Variants in ME1 observed in about 807,000 individuals in gnomAD.
ME1 encodes the protein malic enzyme 1.
ME1 carries 74 observed loss-of-function variants against 66.4 expected under a neutral mutation model. The ratio of observed to expected loss-of-function variants is 1.11; its 90% CI spans 0.92 to 1.35. ME1 has a LOEUF of 1.35. ME1 is among the 40% of genes most tolerant of loss of function. ME1 has a pLI of 0.00. For missense variants in ME1, 750 were observed against 694.1 expected (o/e 1.08, Z -0.90); for synonymous variants, 251 against 235.6 (o/e 1.07, Z -0.60).
chr6:83,346,620 G>A (rs1174429475), intron 4 of ME1, among the ~76,000 whole-genome samples: 1 of 152,156 alleles, frequency 6.6e-6, no homozygotes, highest in Non-Finnish European at 1.5e-5. Context: ...GAGCAAGTGG[G>A]TAAAGTATAG....
intron 1 of ME1, 133 bp downstream of exon 1, chr6:83,430,744 G>C (rs1017717548): frequency 1.4e-6 from 1 of 716,014 alleles, no homozygotes; most frequent in Admixed American, 3.0e-5. Context: ...AGGCCCCCCA[G>C]GCCGCGGCCG....
intron 7 of ME1, among the ~76,000 whole-genome samples, chr6:83,247,286 T>C (rs902281180): frequency 4.6e-5 from 7 of 152,100 alleles, no homozygotes; most frequent in Admixed American, 3.3e-4. Flanking sequence ...CAGTCTGAAT[T>C]TGCTGAATTC....
intron 3 of ME1, among the ~76,000 whole-genome samples, chr6:83,354,867 G>C (rs1055767500): frequency 1.3e-5 from 2 of 152,080 alleles, no homozygotes; most frequent in Admixed American, 6.6e-5. Context: ...GAAAAATAAG[G>C]CTTTTATAAT....
At position 83,253,724 on chromosome 6, in the gene ME1, C is replaced by T. The variant is rs1362974975; in HGVS notation, c.719G>A (p.Cys240Tyr). 5.7e-6 allele frequency: 9 copies of T among 1,585,832 alleles called. No individual in the cohort carries two copies. Among genetic ancestry groups the T allele is most frequent in the Admixed American group, 1.7e-5 (1 of 59,876 alleles). Residue 240 changes from cysteine (C) to tyrosine (Y), a missense_variant, in exon 7 of 14, where the codon TGC becomes TAC. Cys to Tyr is a radical substitution (Grantham distance 194). Transcript: ENST00000369705. ...EAVSSKYGMN[C>Y]LIQFEDFANV... ...GGCAAAATCTTCAAACTGAATAAGG[C>T]AATTCATGCCATACCTATGGGACAA...
chr6:83,407,236 G>A (rs2066160161), intron 2 of ME1, among the ~76,000 whole-genome samples: 2 of 152,202 alleles, frequency 1.3e-5, no homozygotes, highest in South Asian at 4.1e-4. Context: ...CGCCATGGCA[G>A]GGCCTGTAGT....
At chr6:83,252,425 G>A (rs1244252312) in intron 7 of ME1, among the ~76,000 whole-genome samples, 9 of 151,972 alleles carry the variant, frequency 5.9e-5, no homozygotes, top group East Asian at 1.9e-4. Flanking sequence ...TCAGCCTCCC[G>A]AGTATCTGGG....
intron 6 of ME1, among the ~76,000 whole-genome samples, chr6:83,260,312 G>A (rs1001139275): frequency 3.3e-5 from 5 of 152,094 alleles, no homozygotes; most frequent in African/African-American, 1.2e-4. Flanking sequence ...TATAACTAAA[G>A]TGGCTATTTA....
intron 6 of ME1, among the ~76,000 whole-genome samples, chr6:83,278,062 C>T (rs1176391974): frequency 6.6e-6 from 1 of 151,952 alleles, no homozygotes; most frequent in Admixed American, 6.6e-5. Flanking sequence ...ACTGTTACTC[C>T]CATCTCACAA....
intron 5 of ME1, among the ~76,000 whole-genome samples, chr6:83,324,756 G>A (rs565000720): frequency 6.8e-6 from 1 of 146,766 alleles, no homozygotes; most frequent in Non-Finnish European, 1.5e-5. Context: ...GGACGAGATG[G>A]ATTCACAGCC....
intron 6 of ME1, among the ~76,000 whole-genome samples, chr6:83,297,898 C>A (rs1333058634): frequency 6.6e-6 from 1 of 152,080 alleles, no homozygotes; most frequent in Non-Finnish European, 1.5e-5. Flanking sequence ...GATCTCATTC[C>A]TTTTTATGGC....
chr6:83,411,068 C>T (rs1463449084), intron 1 of ME1, among the ~76,000 whole-genome samples: 1 of 152,130 alleles, frequency 6.6e-6, no homozygotes, highest in Non-Finnish European at 1.5e-5. Flanking sequence ...AGTTAAAATC[C>T]TAGGATTGTG....
chr6:83,228,721 T>A, intron 10 of ME1, 105 bp downstream of exon 10: 1 of 768,182 alleles, frequency 1.3e-6, no homozygotes, highest in Non-Finnish European at 2.2e-6. Context: ...AACGTGTAGT[T>A]TTTTGAATTC....
intron 3 of ME1, among the ~76,000 whole-genome samples, chr6:83,354,587 C>T (rs1768854246): frequency 6.6e-6 from 1 of 152,182 alleles, no homozygotes; most frequent in African/African-American, 2.4e-5. Flanking sequence ...CTCAGACAGG[C>T]CTTCTCTGAT....
intron 6 of ME1, among the ~76,000 whole-genome samples, chr6:83,298,931 G>GGTTTTTTTTTTTTTTTTTTTTTTTTT (rs1767655458): frequency 4.5e-5 from 1 of 22,458 alleles, no homozygotes. Flanking sequence ...CTATGTGTCT[G>GGTTTTTTTTTTTTTTTTTTTTTTTTT]TTTTTTTTTT....
intron 5 of ME1, among the ~76,000 whole-genome samples, chr6:83,320,321 T>TATAACAAGC (rs1381227607): frequency 6.6e-6 from 1 of 152,254 alleles, no homozygotes; most frequent in Non-Finnish European, 1.5e-5. Flanking sequence ...AGCCCAGTTC[T>TATAACAAGC]TCACACTTGT....
chr6:83,211,741 A>C lies in ME1; in HGVS notation c.*183T>G, dbSNP rs1789875539. The C allele has an allele frequency of 7.0e-6, 3 of 427,406 alleles. No homozygotes were observed. The highest frequency in any genetic ancestry group is 1.2e-5 in the Non-Finnish European group (3 of 248,416). 26.5% of individuals were successfully genotyped at this position (427,406 alleles called of 1,614,324 possible). A position where few individuals can be genotyped will look rare whatever the true frequency, so the allele number is the denominator to read the frequency against. On this transcript the variant is annotated 3_prime_UTR_variant, in exon 14 of 14. Transcript: ENST00000369705. ...CATAAATAACCAGAAGGCAAAGTGA[A>C]GCAAAATTGTCTCATGTGATGTTTA...
Position 83,237,824 on chromosome 6 carries a change from G to C in ME1, c.919C>G (p.Leu307Val), listed in dbSNP as rs748116695. 1 of 1,581,042 alleles carries C rather than the reference G, an allele frequency of 6.3e-7. No homozygotes were observed. Among genetic ancestry groups the C allele is most frequent in the Non-Finnish European group, 8.6e-7 (1 of 1,162,304 alleles). ...ATCACAATCAGGTGTGCAATCCCTAGGGCAGCCTCAGTGATGAAAAGAAAA... is the reference window on the plus strand; with the variant it reads ...ATCACAATCAGGTGTGCAATCCCTACGGCAGCCTCAGTGATGAAAAGAAAA... ...ILFQGAGEAALGIAHLIVMAL... is the reference protein window; with the variant it reads ...ILFQGAGEAAVGIAHLIVMAL... Residue 307 changes from leucine to valine, a missense_variant, in exon 9 of 14, where the codon CTA (leucine) becomes GTA (valine). Coordinates refer to ENST00000369705, the MANE Select transcript of ME1 (RefSeq NM_002395.6).
chr6:83,249,251 CT>C (rs1305104520), intron 7 of ME1, among the ~76,000 whole-genome samples: 1 of 149,616 alleles, frequency 6.7e-6, no homozygotes. Flanking sequence ...TTTCTTTTTT[CT>C]TTTTTTTTGA....
At chr6:83,421,712 C>G (rs1243137510) in intron 1 of ME1, among the ~76,000 whole-genome samples, 1 of 152,086 alleles carries the variant, frequency 6.6e-6, no homozygotes, top group Non-Finnish European at 1.5e-5. Context: ...TCTTTCTGGT[C>G]CAAGAATCAG....
Sources: gnomAD v4.1 joint callset for allele counts (sites outside exome capture counted in the v4.1 genomes callset) on GRCh38, gnomAD v4.1.1 for gene constraint, MANE v1.5 for transcripts, NCBI Gene and HGNC (gene_info 2026-07-23, HGNC 2026-07-21) for gene names.